Variants in VAV2 observed in about 807,000 individuals in gnomAD.
VAV2 encodes the protein vav guanine nucleotide exchange factor 2, also known as guanine nucleotide exchange factor VAV2.
In VAV2, 67 loss-of-function variants were observed where a neutral mutation model predicts 132.5. That is an observed-to-expected ratio of 0.51 (90% CI 0.42 to 0.62). The LOEUF (loss-of-function observed/expected upper bound fraction) is 0.62. Among genes scored for constraint, VAV2 ranks in the 20% least tolerant of loss-of-function variants. The pLI is 0.00. For synonymous variants in VAV2, 492 were observed against 443.5 expected, an observed-to-expected ratio of 1.11 and a Z score of -1.37; for missense variants, 938 against 1,153.6, an observed-to-expected ratio of 0.81 and a Z score of 2.71.
At chr9:133,849,702 C>A (rs1278547412) in intron 3 of VAV2, among the ~76,000 whole-genome samples, 1 of 152,196 alleles carries the variant, frequency 6.6e-6, no homozygotes, top group African/African-American at 2.4e-5. Flanking sequence ...GTCCTTCCTG[C>A]CTCTTCCAGC....
At chr9:133,796,787 C>T (rs745989929) in intron 10 of VAV2, among the ~76,000 whole-genome samples, 5 of 152,236 alleles carry the variant, frequency 3.3e-5, no homozygotes, top group Non-Finnish European at 7.3e-5. Flanking sequence ...CTACGGAAAC[C>T]CTCTCGGGGC....
rs2131635623 is a variant in VAV2, at chr9:133,796,301, A to G, written c.1032+128T>C. On this transcript the variant is annotated intron_variant, in intron 11 of 29. Coordinates refer to ENST00000371850, the MANE Select transcript of VAV2 (RefSeq NM_001134398.2). ...ATTGAGCGGTGATTATGAGCTAAGC[A>G]TGAACTGACTTGTCTATATTCAACT... 4 of 721,050 alleles carry G rather than the reference A, an allele frequency of 5.5e-6. No individual in the cohort carries two copies. In the East Asian group the frequency reaches 8.2e-5, roughly 15 times the overall value. 44.7% of individuals were successfully genotyped at this position (721,050 alleles called of 1,614,324 possible).
Position 133,783,548 on chromosome 9 carries a change from C to G in VAV2, c.1678G>C (p.Gly560Arg). Reference protein sequence around the residue: ...QGYMCTKCGVGAHKECLEVIP... With the variant: ...QGYMCTKCGVRAHKECLEVIP... ...ACTTCCAGGCACTCCTTGTGTGCCC[C>G]GACGCCACACTTGGTACACATGTAT... The change falls in exon 19 of 30, where the codon GGG (glycine) becomes CGG (arginine). Residue 560 changes from glycine to arginine, a missense_variant. By Grantham distance (125) the Gly-to-Arg change is moderately radical. Coordinates refer to ENST00000371850, the MANE Select transcript of VAV2 (RefSeq NM_001134398.2). The G allele has an allele frequency of 1.2e-6, 2 of 1,613,944 alleles. No individual in the cohort carries two copies. The highest frequency in any genetic ancestry group is 1.7e-6 in the Non-Finnish European group (2 of 1,179,938).
chr9:133,888,204 G>A (rs1037580316), intron 2 of VAV2, among the ~76,000 whole-genome samples: 4 of 152,230 alleles, frequency 2.6e-5, no homozygotes, highest in African/African-American at 9.6e-5. Flanking sequence ...CAGGGGCCAG[G>A]GGAGGCTGGG....
chr9:133,849,584 CT>C (rs1259974409), intron 3 of VAV2, among the ~76,000 whole-genome samples: 2 of 152,194 alleles, frequency 1.3e-5, no homozygotes, highest in African/African-American at 2.4e-5. Flanking sequence ...CGAATGGGGG[CT>C]TAAAACAACA....
rs112469354 is a variant in VAV2, at chr9:133,825,999, T to C, written c.449+8273A>G. Among the ~76,000 whole-genome samples the C allele has an allele frequency of 3.1e-3, 469 of 152,340 alleles. 2 individuals are homozygous for C. Among genetic ancestry groups the C allele is most frequent in the African/African-American group, 0.011 (449 of 41,584 alleles). ...ATGCAATAAAGCATGCAGCTCTACA[T>C]TCGCGGATACATTACATTCCCTGCC... On this transcript the variant is annotated intron_variant, in intron 4 of 29. Coordinates refer to ENST00000371850, the MANE Select transcript of VAV2 (RefSeq NM_001134398.2).
At chr9:133,901,729 T>A (rs1588340960) in intron 2 of VAV2, among the ~76,000 whole-genome samples, 1 of 152,184 alleles carries the variant, frequency 6.6e-6, no homozygotes, top group East Asian at 1.9e-4. Context: ...GGGTATTTAT[T>A]TCCCCCACTG....
At chr9:133,789,616 T>C (rs967585559) in intron 13 of VAV2, among the ~76,000 whole-genome samples, 11 of 152,200 alleles carry the variant, frequency 7.2e-5, no homozygotes, top group African/African-American at 1.4e-4. Context: ...CAAAGGGCGA[T>C]TGACGGTGCC....
At chr9:133,831,496 T>A (rs532802348) in intron 4 of VAV2, among the ~76,000 whole-genome samples, 4 of 151,920 alleles carry the variant, frequency 2.6e-5, no homozygotes, top group African/African-American at 9.7e-5. Context: ...AGCCTGACTC[T>A]CCAGGCAGAA....
chr9:133,885,200 A>G lies in VAV2; in HGVS notation c.322-23768T>C, dbSNP rs1465105833. Among the ~76,000 whole-genome samples, 1 of 152,132 alleles carries G rather than the reference A, an allele frequency of 6.6e-6. No individual in the cohort carries two copies. Among genetic ancestry groups the G allele is most frequent in the Non-Finnish European group, 1.5e-5 (1 of 68,020 alleles). On this transcript the variant is annotated intron_variant, in intron 2 of 29. Coordinates refer to ENST00000371850, the MANE Select transcript of VAV2 (RefSeq NM_001134398.2). The surrounding 1 kb of genome is among the most constrained non-coding windows in gnomAD (Gnocchi z 5.0). Reference sequence around the variant, plus strand: ...AGTGTCCTGCGATTGATTCTTCTGAACTTCTGAGCCCACTCAACCAAGGGC... The same window carrying G: ...AGTGTCCTGCGATTGATTCTTCTGAGCTTCTGAGCCCACTCAACCAAGGGC...
intron 1 of VAV2, among the ~76,000 whole-genome samples, chr9:133,973,391 C>T (rs1283952613): frequency 6.6e-6 from 1 of 152,192 alleles, no homozygotes; most frequent in Non-Finnish European, 1.5e-5. Context: ...ATGGTAACAT[C>T]AGCCTCCCTC....
At chr9:133,842,730 C>T (rs73663858) in intron 3 of VAV2, among the ~76,000 whole-genome samples, 342 of 152,334 alleles carry the variant, frequency 2.2e-3, no homozygotes, top group African/African-American at 7.6e-3. Flanking sequence ...GGTGCAGTGG[C>T]ATCTCACCCA....
intron 1 of VAV2, among the ~76,000 whole-genome samples, chr9:133,955,414 TC>T (rs1841723681): frequency 5.9e-5 from 1 of 16,844 alleles, no homozygotes; most frequent in Non-Finnish European, 1.2e-4. Flanking sequence ...CCCACACTCC[TC>T]CCCACCCCCC....
intron 3 of VAV2, among the ~76,000 whole-genome samples, chr9:133,838,155 A>G (rs567207687): frequency 1.4e-4 from 22 of 151,990 alleles, no homozygotes; most frequent in Admixed American, 1.4e-3. Flanking sequence ...CTCCATGCCC[A>G]TGCTACCTCT....
chr9:133,782,978 C>T (rs1834062753), intron 19 of VAV2, among the ~76,000 whole-genome samples: 1 of 152,182 alleles, frequency 6.6e-6, no homozygotes, highest in African/African-American at 2.4e-5. Context: ...AATCCTCTCC[C>T]CTCCCTGAGC....
At chr9:133,906,423 C>T (rs1017194400) in intron 2 of VAV2, among the ~76,000 whole-genome samples, 29 of 152,338 alleles carry the variant, frequency 1.9e-4, no homozygotes, top group Non-Finnish European at 3.7e-4. Context: ...TCCGGGGAGC[C>T]GCCCCCGCCC....
chr9:133,965,870 T>C (rs1842125311), intron 1 of VAV2, among the ~76,000 whole-genome samples: 1 of 152,136 alleles, frequency 6.6e-6, no homozygotes, highest in Non-Finnish European at 1.5e-5. Flanking sequence ...TCACACTACC[T>C]GACTTCAAAA....
In VAV2 at chr9:133,879,030, C is replaced by A. The variant is rs530863194; in HGVS notation, c.322-17598G>T. Reference sequence around the variant, plus strand: ...GGGCAGGGAGGTGTCTCCTCAGGATCCCCCCGTTCCCCAGGCATCATCCGC... The same window carrying A: ...GGGCAGGGAGGTGTCTCCTCAGGATACCCCCGTTCCCCAGGCATCATCCGC... On this transcript the variant is annotated intron_variant, in intron 2 of 29. Transcript: ENST00000371850. The surrounding 1 kb of genome is among the most constrained non-coding windows in gnomAD (Gnocchi z 4.4). 1.1e-4 allele frequency among the ~76,000 whole-genome samples: 17 copies of A among 152,254 alleles called. No individual in the cohort carries two copies. The highest frequency in any genetic ancestry group is 3.3e-4 in the Admixed American group (5 of 15,290).
chr9:133,876,849 T>C (rs985604573), intron 2 of VAV2, among the ~76,000 whole-genome samples: 1 of 152,088 alleles, frequency 6.6e-6, no homozygotes, highest in Non-Finnish European at 1.5e-5. Flanking sequence ...AGAAACCATC[T>C]CTGTCCTTTC....
Sources: gnomAD v4.1 joint callset for allele counts (sites outside exome capture counted in the v4.1 genomes callset) on GRCh38, gnomAD v4.1.1 for gene constraint, Gnocchi (gnomAD v3.1) non-coding constraint, MANE v1.5 for transcripts, NCBI Gene and HGNC (gene_info 2026-07-23, HGNC 2026-07-21) for gene names.